Variants in ESRRG observed in about 807,000 individuals in gnomAD.
ESRRG encodes estrogen related receptor gamma.
Under a neutral mutation model 44.0 loss-of-function variants are expected in ESRRG, and 13 were observed. The observed-to-expected ratio is 0.30, with a 90% CI of 0.19 to 0.47. The LOEUF (loss-of-function observed/expected upper bound fraction) is 0.47. ESRRG is among the 20% of genes least tolerant of loss of function. ESRRG has a pLI of 1.00. For synonymous variants in ESRRG, 215 were observed against 214.6 expected, an observed-to-expected ratio of 1.00 and a Z score of -0.02; for missense variants, 395 against 580.6, an observed-to-expected ratio of 0.68 and a Z score of 3.29.
chr1:217,002,408 C>T (rs1376501251), intron 1 of ESRRG, among the ~76,000 whole-genome samples: 2 of 151,526 alleles, frequency 1.3e-5, no homozygotes, highest in Admixed American at 1.3e-4. Context: ...GCAGATCCGT[C>T]CCTAAAGTTA....
chr1:217,078,663 T>C (rs1180793444), intron 1 of ESRRG, among the ~76,000 whole-genome samples: 1 of 152,232 alleles, frequency 6.6e-6, no homozygotes, highest in African/African-American at 2.4e-5. Context: ...TTCCTGTCTC[T>C]GCTGTCCTGA....
intron 2 of ESRRG, among the ~76,000 whole-genome samples, chr1:216,773,646 G>A (rs926775185): frequency 2.6e-5 from 4 of 152,062 alleles, no homozygotes; most frequent in African/African-American, 9.7e-5. Context: ...TGTTCTCTAA[G>A]GTCTTTCATG....
chr1:216,800,387 G>T (rs2094580057), intron 2 of ESRRG, among the ~76,000 whole-genome samples: 1 of 152,138 alleles, frequency 6.6e-6, no homozygotes, highest in South Asian at 2.1e-4. Flanking sequence ...GGACAGAAAA[G>T]GGAGGGAAGT....
At chr1:216,760,501 G>T (rs923747097) in intron 2 of ESRRG, among the ~76,000 whole-genome samples, 3 of 152,000 alleles carry the variant, frequency 2.0e-5, no homozygotes, top group African/African-American at 7.2e-5. Context: ...TACTCAGGAG[G>T]CTGAGGTAGG....
intron 1 of ESRRG, among the ~76,000 whole-genome samples, chr1:217,072,090 A>G (rs748133483): frequency 1.3e-5 from 2 of 152,188 alleles, no homozygotes; most frequent in Non-Finnish European, 2.9e-5. Context: ...ATGTTCAGTA[A>G]CATTCTGATT....
At chr1:216,806,380 CG>C (rs1231272727) in intron 2 of ESRRG, among the ~76,000 whole-genome samples, 2 of 152,136 alleles carry the variant, frequency 1.3e-5, no homozygotes, top group Non-Finnish European at 2.9e-5. Flanking sequence ...ACTAGAGTCA[CG>C]GTCAACAGAA....
At chr1:217,112,231 G>T (rs115150122) in intron 1 of ESRRG, among the ~76,000 whole-genome samples, 3,978 of 152,290 alleles carry the variant, frequency 0.026, 189 homozygotes, top group African/African-American at 0.091. Context: ...AAGTTTTGGG[G>T]TGAGTTTTCA....
At chr1:217,052,684 C>T (rs76795062) in intron 1 of ESRRG, among the ~76,000 whole-genome samples, 2 of 152,180 alleles carry the variant, frequency 1.3e-5, no homozygotes, top group Non-Finnish European at 2.9e-5. Context: ...TAGTCAATAA[C>T]TAAATAAGCA....
At chr1:216,644,427 C>CTTTTTTT (rs71161439) in intron 3 of ESRRG, among the ~76,000 whole-genome samples, 15 of 128,494 alleles carry the variant, frequency 1.2e-4, no homozygotes, top group Non-Finnish European at 1.8e-4. Context: ...TTCTTTCTTT[C>CTTTTTTT]TTTTTTTTTT....
chr1:216,557,619 C>T (rs998000743), intron 5 of ESRRG, among the ~76,000 whole-genome samples: 8 of 151,820 alleles, frequency 5.3e-5, no homozygotes, highest in Non-Finnish European at 8.8e-5. Flanking sequence ...CTTTTGTAAA[C>T]AATAAATAAC....
At chr1:216,978,722 C>T (rs973649646) in intron 1 of ESRRG, among the ~76,000 whole-genome samples, 1 of 152,170 alleles carries the variant, frequency 6.6e-6, no homozygotes, top group African/African-American at 2.4e-5. Flanking sequence ...ACCCTATTCT[C>T]TTCCCCTAAG....
intron 1 of ESRRG, among the ~76,000 whole-genome samples, chr1:216,951,520 G>C (rs750345853): frequency 1.3e-5 from 2 of 151,962 alleles, no homozygotes; most frequent in Non-Finnish European, 2.9e-5. Context: ...CAACTGCTTG[G>C]TTGGGCTGTT....
chr1:216,901,464 C>T (rs546723272), intron 2 of ESRRG, among the ~76,000 whole-genome samples: 4 of 150,878 alleles, frequency 2.7e-5, no homozygotes, highest in African/African-American at 9.7e-5. Context: ...ACCTCCCAGA[C>T]TCAAGCAATC....
At chr1:216,580,959 A>C (rs552620799) in intron 3 of ESRRG, among the ~76,000 whole-genome samples, 2 of 152,318 alleles carry the variant, frequency 1.3e-5, no homozygotes, top group African/African-American at 4.8e-5. Context: ...CCCATGTTTG[A>C]AAAATGCTTC....
chr1:216,704,806 A>G (rs1301916956), intron 1 of ESRRG, among the ~76,000 whole-genome samples: 2 of 152,122 alleles, frequency 1.3e-5, no homozygotes, highest in Non-Finnish European at 2.9e-5. Context: ...CCCCCTACCC[A>G]CAGCCCAAAA....
At chr1:216,606,811 T>A (rs957337378) in intron 3 of ESRRG, among the ~76,000 whole-genome samples, 5 of 152,140 alleles carry the variant, frequency 3.3e-5, no homozygotes, top group African/African-American at 1.2e-4. Context: ...CATACATAGG[T>A]CAGGTTGAGA....
intron 1 of ESRRG, among the ~76,000 whole-genome samples, chr1:216,687,099 A>G (rs2078153377): frequency 6.6e-6 from 1 of 151,906 alleles, no homozygotes; most frequent in Non-Finnish European, 1.5e-5. Context: ...TTGCAGGAGA[A>G]TAATTAAGCA....
At chr1:217,095,031 A>AGT (rs571908776) in intron 1 of ESRRG, among the ~76,000 whole-genome samples, 3,043 of 146,306 alleles carry the variant, frequency 0.021, 62 homozygotes, top group Middle Eastern at 0.036. Flanking sequence ...TGTGTCTGTG[A>AGT]GTGTGTGTGT....
intron 3 of ESRRG, among the ~76,000 whole-genome samples, chr1:216,570,483 TC>T (rs1239141453): frequency 6.6e-6 from 1 of 152,234 alleles, no homozygotes; most frequent in African/African-American, 2.4e-5. Context: ...TTATTTTTTT[TC>T]ATCTCTTTCT....
Sources: gnomAD v4.1 joint callset for allele counts (sites outside exome capture counted in the v4.1 genomes callset) on GRCh38, gnomAD v4.1.1 for gene constraint, MANE v1.5 for transcripts, NCBI Gene and HGNC (gene_info 2026-07-23, HGNC 2026-07-21) for gene names.